PBRM1: variants seen among roughly 807,000 people sequenced by gnomAD.
PBRM1 encodes the protein protein polybromo-1.
In PBRM1, 27 loss-of-function variants were observed where a neutral mutation model predicts 194.5. The ratio of observed to expected loss-of-function variants is 0.14; its 90% CI spans 0.10 to 0.19. The LOEUF (loss-of-function observed/expected upper bound fraction) is 0.19. Among genes scored for constraint, PBRM1 ranks in the 10% least tolerant of loss-of-function variants. PBRM1 has a pLI of 1.00. For synonymous variants in PBRM1, 655 were observed against 693.2 expected, an observed-to-expected ratio of 0.94 and a Z score of 0.87; for missense variants, 1,466 against 2,077.2, an observed-to-expected ratio of 0.71 and a Z score of 5.72.
At chr3:52,591,871 G>A (rs1046431400) in intron 17 of PBRM1, among the ~76,000 whole-genome samples, 12 of 141,426 alleles carry the variant, frequency 8.5e-5, no homozygotes, top group Non-Finnish European at 1.8e-4. Flanking sequence ...CTGATGCCCA[G>A]GCTGGAATGC....
chr3:52,561,472 G>A (rs1333975458), intron 25 of PBRM1, among the ~76,000 whole-genome samples: 1 of 152,142 alleles, frequency 6.6e-6, no homozygotes. Flanking sequence ...CTCAACATGT[G>A]TGCTTACAGG....
chr3:52,641,821 T>A (rs1299082639), intron 10 of PBRM1, 133 bp downstream of exon 11: 1 of 742,906 alleles, frequency 1.3e-6, no homozygotes, highest in Non-Finnish European at 2.5e-6. Flanking sequence ...ACTACCAGAG[T>A]ACAATCAAAT....
chr3:52,610,088 A>G lies in PBRM1; in HGVS notation c.1925-133T>C, dbSNP rs766509762. On this transcript the variant is annotated intron_variant, in intron 15 of 29. Transcript: ENST00000296302. ...GCAATTAGCATGTCTATAGTGAAAT[A>G]TAACCTGCAGACAAAAAAGTACTAA... The G allele has an allele frequency of 9.7e-4, 516 of 530,164 alleles. 5 individuals carry two copies. Among genetic ancestry groups the G allele is most frequent in the Middle Eastern group, 1.5e-3 (3 of 1,974 alleles). 32.8% of individuals were successfully genotyped at this position (530,164 alleles called of 1,614,324 possible). A position where few individuals can be genotyped will look rare whatever the true frequency, so the allele number is the denominator to read the frequency against.
chr3:52,621,160 A>C (rs2153528010), intron 13 of PBRM1, among the ~76,000 whole-genome samples: 1 of 152,308 alleles, frequency 6.6e-6, no homozygotes, highest in Admixed American at 6.5e-5. Flanking sequence ...TAACCATGAC[A>C]GAGCCCTATT....
chr3:52,614,361 G>A (rs2094826062), intron 15 of PBRM1, among the ~76,000 whole-genome samples: 1 of 114,534 alleles, frequency 8.7e-6, no homozygotes, highest in Non-Finnish European at 1.7e-5. Context: ...GTGACAGGGC[G>A]AGATGCTTCA....
At chr3:52,641,810 G>A (rs2096098069) in intron 10 of PBRM1, 144 bp downstream of exon 11, 6 of 728,340 alleles carry the variant, frequency 8.2e-6, no homozygotes, top group Non-Finnish European at 1.2e-5. Flanking sequence ...TGATAGGTCT[G>A]ACTACCAGAG....
downstream of PBRM1, chr3:52,546,278 T>C (rs764051418): frequency 4.7e-5 from 11 of 232,882 alleles, no homozygotes; most frequent in African/African-American, 2.2e-4. Context: ...AATAATCTGA[T>C]TGCATTATAC....
intron 10 of PBRM1, among the ~76,000 whole-genome samples, chr3:52,636,806 G>A (rs1307440530): frequency 5.9e-5 from 7 of 119,602 alleles, no homozygotes; most frequent in Non-Finnish European, 1.2e-4. Flanking sequence ...TAGGCCAGGC[G>A]CAGTGACTCA....
intron 3 of PBRM1, among the ~76,000 whole-genome samples, chr3:52,666,890 C>CAA (rs34218707): frequency 2.5e-5 from 3 of 120,790 alleles, no homozygotes; most frequent in Non-Finnish European, 5.3e-5. Context: ...GATCGTGTCT[C>CAA]AAAAAAAAAA....
intron 27 of PBRM1, among the ~76,000 whole-genome samples, chr3:52,553,807 G>A (rs1352749029): frequency 6.6e-6 from 1 of 151,830 alleles, no homozygotes; most frequent in Non-Finnish European, 1.5e-5. Flanking sequence ...GACTACAGGT[G>A]CCCGCCACCA....
At chr3:52,576,977 G>A (rs539643149) in intron 21 of PBRM1, among the ~76,000 whole-genome samples, 2 of 152,210 alleles carry the variant, frequency 1.3e-5, no homozygotes, top group South Asian at 4.1e-4. Flanking sequence ...TAATGACCAG[G>A]TTTTCTTCCT....
At chr3:52,629,172 A>G in intron 11 of PBRM1, 137 bp from the exon 13 acceptor site, 1 of 650,258 alleles carries the variant, frequency 1.5e-6, no homozygotes, top group Non-Finnish European at 2.6e-6. Context: ...CTTAAAAATG[A>G]CTTTTGAGAT....
At position 52,582,814 on chromosome 3, in the gene PBRM1, C is replaced by T. The variant is rs140087364; in HGVS notation, c.3387+3611G>A. Among the ~76,000 whole-genome samples, 35 of 150,386 alleles carry T rather than the reference C, an allele frequency of 2.3e-4. No homozygotes were observed. The East Asian group carries it at 6.8e-3, about 29-fold the overall frequency. On this transcript the variant is annotated intron_variant, in intron 20 of 29. Coordinates refer to ENST00000296302, the Ensembl canonical transcript of PBRM1. ...CATCAAACTGCTGGGTCAAAGACACCGGGCCGGGCACGGTGGCTCACGCCT... is the reference window on the plus strand; with the variant it reads ...CATCAAACTGCTGGGTCAAAGACACTGGGCCGGGCACGGTGGCTCACGCCT...
At chr3:52,575,673 T>C (rs1575895826) in intron 22 of PBRM1, among the ~76,000 whole-genome samples, 1 of 31,648 alleles carries the variant, frequency 3.2e-5, no homozygotes, top group East Asian at 7.2e-4. Context: ...GCCCAAATAA[T>C]TTTTTTTTTT....
intron 17 of PBRM1, among the ~76,000 whole-genome samples, chr3:52,593,619 G>A (rs990767426): frequency 6.6e-6 from 1 of 152,140 alleles, no homozygotes; most frequent in Admixed American, 6.5e-5. Context: ...AGAGATTCTG[G>A]TATGTTGTGT....
intron 10 of PBRM1, among the ~76,000 whole-genome samples, chr3:52,640,474 T>C (rs1238351936): frequency 6.6e-6 from 1 of 152,148 alleles, no homozygotes; most frequent in Non-Finnish European, 1.5e-5. Flanking sequence ...TTTTGCCATG[T>C]TGCCCAGGCT....
At chr3:52,570,074 T>G (rs1483946894) in intron 22 of PBRM1, among the ~76,000 whole-genome samples, 1 of 152,008 alleles carries the variant, frequency 6.6e-6, no homozygotes, top group Non-Finnish European at 1.5e-5. Context: ...CAAGTTCAAG[T>G]GATTCTTTTG....
Position 52,625,053 on chromosome 3 carries a change from C to T in PBRM1, c.1541+2220G>A. ...GAAAAAGATTATTCAGTCCAAAGTA[C>T]CAAAGACAATATTTGAAACATTTCA... On this transcript the variant is annotated intron_variant, in intron 13 of 29. Transcript: ENST00000296302. 3 of 743,772 alleles carry T rather than the reference C, an allele frequency of 4.0e-6. No individual in the cohort carries two copies. In the South Asian group the frequency reaches 4.7e-5, roughly 12 times the overall value. The allele number at this position is 743,772 out of a possible 1,614,324, so 46.1% of individuals were successfully genotyped here. A position where few individuals can be genotyped will look rare whatever the true frequency, so the allele number is the denominator to read the frequency against.
chr3:52,628,989 A>G, exon 12 of PBRM1: 1 of 1,607,230 alleles, frequency 6.2e-7, no homozygotes, highest in South Asian at 1.1e-5. Flanking sequence ...TTCAGATCAC[A>G]CTCCAAATGA....
Sources: gnomAD v4.1 joint callset for allele counts (sites outside exome capture counted in the v4.1 genomes callset) on GRCh38, gnomAD v4.1.1 for gene constraint, MANE v1.5 for transcripts, NCBI Gene and HGNC (gene_info 2026-07-23, HGNC 2026-07-21) for gene names.